Variants in SLC2A13 observed in about 807,000 individuals in gnomAD.
The protein encoded by SLC2A13 is proton myo-inositol cotransporter.
In SLC2A13, 32 loss-of-function variants were observed where a neutral mutation model predicts 64.4. The observed-to-expected ratio is 0.50, with a 90% CI of 0.37 to 0.67. The LOEUF is 0.67. Among genes scored for constraint, SLC2A13 ranks in the 30% least tolerant of loss-of-function variants. The pLI is 0.00. For synonymous variants in SLC2A13, 338 were observed against 327.1 expected, an observed-to-expected ratio of 1.03 and a Z score of -0.36; for missense variants, 743 against 829.2, an observed-to-expected ratio of 0.90 and a Z score of 1.28.
At chr12:40,060,957 T>C (rs1483150853) in intron 1 of SLC2A13, among the ~76,000 whole-genome samples, 1 of 151,972 alleles carries the variant, frequency 6.6e-6, no homozygotes, top group Non-Finnish European at 1.5e-5. Flanking sequence ...TGGGAGAAGG[T>C]TAAAGAAAGT....
rs549952529 is a variant in SLC2A13, at chr12:39,896,426, A to G, written c.1035-24465T>C. Among the ~76,000 whole-genome samples the G allele has an allele frequency of 1.3e-3, 192 of 143,650 alleles. 1 individual carries two copies. The highest frequency in any genetic ancestry group is 6.4e-4 in the South Asian group (3 of 4,662). The allele number at this position is 143,650 out of a possible 152,430, so 94.2% of individuals were successfully genotyped here. On this transcript the variant is annotated intron_variant, in intron 4 of 9. Transcript: ENST00000280871. ...TATACATATATGTATGTATATGTGT[A>G]TATATGTATACATATATGTATATGT...
intron 4 of SLC2A13, among the ~76,000 whole-genome samples, chr12:39,886,904 G>C (rs1204175703): frequency 6.6e-6 from 1 of 152,170 alleles, no homozygotes. Context: ...GCCAAGTAGT[G>C]TCCAGATGTG....
intron 3 of SLC2A13, among the ~76,000 whole-genome samples, chr12:40,027,315 G>A (rs10877955): frequency 0.067 from 10,178 of 152,146 alleles, 680 homozygotes; most frequent in East Asian, 0.39. Flanking sequence ...CTCAAAAAGC[G>A]TTAAAAAAAA....
chr12:40,040,781 A>G (rs933899033), intron 2 of SLC2A13, among the ~76,000 whole-genome samples: 3 of 152,138 alleles, frequency 2.0e-5, no homozygotes, highest in African/African-American at 4.8e-5. Flanking sequence ...GCATACTTCT[A>G]TTTTTAAGAT....
At chr12:39,911,925 T>C (rs1307825611) in intron 4 of SLC2A13, among the ~76,000 whole-genome samples, 1 of 151,972 alleles carries the variant, frequency 6.6e-6, no homozygotes, top group African/African-American at 2.4e-5. Flanking sequence ...TATGTAGTAA[T>C]CATTATGAGA....
chr12:39,986,098 C>T (rs1947026271), intron 3 of SLC2A13, among the ~76,000 whole-genome samples: 1 of 151,934 alleles, frequency 6.6e-6, no homozygotes, highest in Non-Finnish European at 1.5e-5. Flanking sequence ...AAATAAAGGC[C>T]TTGGTTCCAA....
At chr12:39,889,460 A>G (rs1944546755) in intron 4 of SLC2A13, among the ~76,000 whole-genome samples, 1 of 151,970 alleles carries the variant, frequency 6.6e-6, no homozygotes, top group African/African-American at 2.4e-5. Context: ...GAATATTTGC[A>G]AGGTAGTCAT....
intron 4 of SLC2A13, chr12:39,950,365 C>G (rs1454093408): frequency 2.6e-5 from 4 of 152,076 alleles, no homozygotes; most frequent in African/African-American, 4.8e-5. Flanking sequence ...GGGAGGACTT[C>G]TAAGATGTGG....
Position 39,826,854 on chromosome 12 carries a change from A to ATTTTTTTTTTTTT in SLC2A13, c.1445+3236_1445+3248dup, listed in dbSNP as rs63699664. ...TTTATTTCTTTTAAAGTCTCTTTCA[A>ATTTTTTTTTTTTT]TTTTTTTTTTTTTTTTTTGCAATGC... is the stretch of plus-strand genomic sequence containing the variant. On this transcript the variant is annotated intron_variant, in intron 7 of 9. Coordinates refer to ENST00000280871, the MANE Select transcript of SLC2A13 (RefSeq NM_052885.4). 7.3e-4 allele frequency among the ~76,000 whole-genome samples: 49 copies of ATTTTTTTTTTTTT among 67,374 alleles called. 2 individuals carry two copies. The highest frequency in any genetic ancestry group is 3.6e-3 in the East Asian group (6 of 1,650). 44.2% of individuals were successfully genotyped at this position (67,374 alleles called of 152,430 possible).
At chr12:40,087,614 C>G (rs1938626590) in intron 1 of SLC2A13, among the ~76,000 whole-genome samples, 1 of 152,068 alleles carries the variant, frequency 6.6e-6, no homozygotes, top group Non-Finnish European at 1.5e-5. Context: ...TACTATGTGC[C>G]AGAGGCTATG....
chr12:39,796,615 A>G (rs1014375589), intron 7 of SLC2A13, among the ~76,000 whole-genome samples: 4 of 152,032 alleles, frequency 2.6e-5, no homozygotes, highest in Non-Finnish European at 5.9e-5. Flanking sequence ...ATAATACCCT[A>G]GTCACTACTG....
intron 1 of SLC2A13, among the ~76,000 whole-genome samples, chr12:40,065,445 C>A (rs1336824896): frequency 6.6e-6 from 1 of 151,346 alleles, no homozygotes; most frequent in Non-Finnish European, 1.5e-5. Context: ...ACTAGCTGGG[C>A]ATGGTAGTGC....
intron 3 of SLC2A13, among the ~76,000 whole-genome samples, chr12:39,976,754 T>C (rs528623176): frequency 6.6e-6 from 1 of 152,178 alleles, no homozygotes; most frequent in Non-Finnish European, 1.5e-5. Context: ...AGAACCAAAC[T>C]GACTTTATTA....
intron 3 of SLC2A13, among the ~76,000 whole-genome samples, chr12:39,963,286 C>CAA (rs71434304): frequency 0.56 from 63,468 of 112,574 alleles, 18,589 homozygotes; most frequent in East Asian, 0.68. Context: ...GACTCCGTCT[C>CAA]AAAAAAAAAA....
intron 4 of SLC2A13, among the ~76,000 whole-genome samples, chr12:39,912,730 A>G (rs7139217): frequency 0.98 from 149,745 of 152,134 alleles, 73,757 homozygotes; most frequent in Middle Eastern, 1. Context: ...GAGCCCTGCC[A>G]TAGTGTGGGG....
chr12:39,785,848 C>A (rs1353765440), intron 7 of SLC2A13, among the ~76,000 whole-genome samples: 1 of 152,160 alleles, frequency 6.6e-6, no homozygotes, highest in Non-Finnish European at 1.5e-5. Context: ...GGATTTTGGA[C>A]TTGCATGGGG....
At chr12:39,934,243 A>C (rs1355503830) in intron 4 of SLC2A13, among the ~76,000 whole-genome samples, 1 of 152,228 alleles carries the variant, frequency 6.6e-6, no homozygotes, top group Non-Finnish European at 1.5e-5. Flanking sequence ...ATAGCTGTTG[A>C]CATAACAACT....
At chr12:40,026,568 T>C (rs1947811183) in intron 3 of SLC2A13, among the ~76,000 whole-genome samples, 1 of 152,140 alleles carries the variant, frequency 6.6e-6, no homozygotes, top group Non-Finnish European at 1.5e-5. Flanking sequence ...TTTTAAGCAG[T>C]CAAAATGAAG....
rs1940727795 is a variant in SLC2A13, at chr12:39,775,038, T to C, written c.1446-10180A>G. 3.3e-5 allele frequency among the ~76,000 whole-genome samples: 5 copies of C among 152,212 alleles called. No individual in the cohort carries two copies. In the South Asian group the frequency reaches 1.0e-3, roughly 32 times the overall value. On this transcript the variant is annotated intron_variant, in intron 7 of 9. Transcript: ENST00000280871. ...AGAATATTCATCCCCTCTGTCTCAG[T>C]CTGATATCTAAAGTGTATCCTTAGG...
Sources: allele counts gnomAD v4.1 joint callset (sites outside exome capture counted in the v4.1 genomes callset), GRCh38; gene constraint gnomAD v4.1.1; transcripts MANE v1.5; gene names NCBI Gene and HGNC (gene_info 2026-07-23, HGNC 2026-07-21).